ACBD4: variants seen among roughly 807,000 people sequenced by gnomAD.
The protein encoded by ACBD4 is acyl-CoA binding domain containing 4.
In ACBD4, 41 loss-of-function variants were observed where a neutral mutation model predicts 46.0. That is an observed-to-expected ratio of 0.89 (90% CI 0.69 to 1.16). The LOEUF (loss-of-function observed/expected upper bound fraction) is 1.16. ACBD4 is among the 50% of genes most tolerant of loss of function. The pLI is 0.00. For synonymous variants in ACBD4, 162 were observed against 155.9 expected (o/e 1.04, Z -0.29); for missense variants, 393 against 399.5 (o/e 0.98, Z 0.14).
chr17:45,135,300 A>T (rs1460302611), upstream of ACBD4: 1 of 152,098 alleles, frequency 6.6e-6, no homozygotes, highest in African/African-American at 2.4e-5. Flanking sequence ...TCCTTCCTCT[A>T]GAACACCTGA....
At position 45,143,918 on chromosome 17, in the gene ACBD4, T is replaced by C. The variant is rs1053578; in HGVS notation, c.*347T>C. ...ACCCGAATTTTCCCACCCCTGCTTC[T>C]CCCCGAGGAGGTTGAGCTCTTGAGC... On this transcript the variant is annotated 3_prime_UTR_variant, in exon 10 of 10. Coordinates refer to ENST00000321854, the MANE Select transcript of ACBD4 (RefSeq NM_001135705.3). The C allele has an allele frequency of 0.053, 16,123 of 301,424 alleles. 547 individuals carry two copies. Among genetic ancestry groups the C allele is most frequent in the Middle Eastern group, 0.097 (105 of 1,080 alleles). 18.7% of individuals were successfully genotyped at this position (301,424 alleles called of 1,614,324 possible).
chr17:45,141,092 T>G (rs984841501), intron 9 of ACBD4, among the ~76,000 whole-genome samples: 1 of 152,240 alleles, frequency 6.6e-6, no homozygotes, highest in African/African-American at 2.4e-5. Flanking sequence ...TTACACACAA[T>G]TATTAATTTC....
rs769277997 is a variant in ACBD4, at chr17:45,135,973, C to T, written c.-38+20C>T. The T allele has an allele frequency of 4.7e-6, 3 of 641,444 alleles. No individual in the cohort carries two copies. Among genetic ancestry groups the T allele is most frequent in the Non-Finnish European group, 7.9e-6 (3 of 378,226 alleles). 39.7% of individuals were successfully genotyped at this position (641,444 alleles called of 1,614,324 possible). Reference sequence around the variant, plus strand: ...CTTGAGGTAGGAAAAGGAGGCTCCTCAACCACAACTTCTGACCTCCCAGGG... The same window carrying T: ...CTTGAGGTAGGAAAAGGAGGCTCCTTAACCACAACTTCTGACCTCCCAGGG... On this transcript the variant is annotated intron_variant, in intron 1 of 9. Coordinates refer to ENST00000321854, the MANE Select transcript of ACBD4 (RefSeq NM_001135705.3).
At chr17:45,133,436 C>T (rs1292580278), upstream of ACBD4, 1 of 151,996 alleles carries the variant, frequency 6.6e-6, no homozygotes, top group Non-Finnish European at 1.5e-5. Context: ...ACTTGCCCTG[C>T]TCTACCCCAT....
At chr17:45,133,554 C>T (rs1318184311), upstream of ACBD4, among the ~76,000 whole-genome samples, 2 of 93,248 alleles carry the variant, frequency 2.1e-5, no homozygotes, top group South Asian at 3.8e-4. Flanking sequence ...TTTTTTGAGA[C>T]GGAGTCTCGC....
intron 9 of ACBD4, among the ~76,000 whole-genome samples, chr17:45,141,475 C>T (rs1273593062): frequency 6.6e-6 from 1 of 152,116 alleles, no homozygotes; most frequent in African/African-American, 2.4e-5. Flanking sequence ...ATCGCTTGAG[C>T]CCAGGAGCTT....
chr17:45,132,672 G>C (rs1428101206), upstream of ACBD4: 2 of 234,654 alleles, frequency 8.5e-6, no homozygotes. This position sits in a 1 kb window ranked among gnomAD's most constrained non-coding sequence, Gnocchi z 4.6. Context: ...TCGTGAGTCC[G>C]TCTCCCCTTA....
chr17:45,137,500 G>C, intron 6 of ACBD4, 46 bp downstream of exon 6: 2 of 1,597,070 alleles, frequency 1.3e-6, no homozygotes, highest in Non-Finnish European at 1.7e-6. Flanking sequence ...GGCTGGGGGA[G>C]GGCTGGAGGG....
rs558907132 is a variant in ACBD4 at position 45,137,658 on chromosome 17, G to A, written c.503-102G>A. 262 of 1,419,774 alleles carry A rather than the reference G, an allele frequency of 1.8e-4. 1 individual carries two copies. In the Admixed American group the frequency reaches 4.3e-3, roughly 23 times the overall value. The allele number at this position is 1,419,774 out of a possible 1,614,324, so 87.9% of individuals were successfully genotyped here. ...CAGGTGTTGATATCTCTAGTGCCTCGTATCTCTAGTGTCTCCTAAACAGGT... is the reference window on the plus strand; with the variant it reads ...CAGGTGTTGATATCTCTAGTGCCTCATATCTCTAGTGTCTCCTAAACAGGT... On this transcript the variant is annotated intron_variant, in intron 6 of 9. Coordinates refer to ENST00000321854, the MANE Select transcript of ACBD4 (RefSeq NM_001135705.3).
At chr17:45,131,667 A>G (rs975585244), upstream of ACBD4, among the ~76,000 whole-genome samples, 7 of 152,200 alleles carry the variant, frequency 4.6e-5, no homozygotes, top group South Asian at 2.1e-4. Context: ...TGATGTTCCA[A>G]TGAGCCACAG....
chr17:45,137,709 T>C (rs759414329), intron 6 of ACBD4, 51 bp from the exon 7 acceptor site: 3 of 1,599,006 alleles, frequency 1.9e-6, no homozygotes, highest in Non-Finnish European at 2.6e-6. Flanking sequence ...ACACTCCTGC[T>C]CTCCCTCCAC....
At position 45,137,133 on chromosome 17, in the gene ACBD4, G is replaced by A. The variant is rs2054902025; in HGVS notation, c.409G>A (p.Val137Ile). 2 of 1,614,070 alleles carry A rather than the reference G, an allele frequency of 1.2e-6. No homozygotes were observed. Among genetic ancestry groups the A allele is most frequent in the Non-Finnish European group, 1.7e-6 (2 of 1,180,004 alleles). Residue 137 changes from valine (V) to isoleucine (I), a missense_variant, in exon 5 of 10, where the codon GTC (valine) becomes ATC (isoleucine). Coordinates refer to ENST00000321854, the MANE Select transcript of ACBD4 (RefSeq NM_001135705.3). ...PRPPETFLRR[V>I]TGWKEQVVNG... ...GCCCCCAGAGACCTTCCTGAGAAGG[G>A]TCACAGGTCAGACTCCCAGGCTGGG...
Position 45,143,662 on chromosome 17 carries a change from C to G in ACBD4, c.*91C>G. 1 of 1,605,028 alleles carries G rather than the reference C, an allele frequency of 6.2e-7. No individual in the cohort carries two copies. The highest frequency in any genetic ancestry group is 8.5e-7 in the Non-Finnish European group (1 of 1,174,050). On this transcript the variant is annotated 3_prime_UTR_variant, in exon 10 of 10. Coordinates refer to ENST00000321854, the MANE Select transcript of ACBD4 (RefSeq NM_001135705.3). ...TTTAGAAGAACAGCATTCAAAATTC[C>G]CCGTCCTGTCAGTGTTTGCCTTCGC...
rs796925582 is a variant in ACBD4 at position 45,136,438 on chromosome 17, GC to G, written c.89-58del. The G allele has an allele frequency of 4.3e-5, 67 of 1,559,416 alleles. No individual in the cohort carries two copies. In the African/African-American group the frequency reaches 6.9e-4, roughly 16 times the overall value. On this transcript the variant is annotated intron_variant, in intron 2 of 9. Transcript: ENST00000321854. ...TGCCCTTTCCAAGCAGGGTTCTCCC[GC>G]CCCTCCGCCCCTTGGAGCTGGGAGT...
Position 45,136,928 on chromosome 17 carries a change from C to A in ACBD4, c.295-91C>A, listed in dbSNP as rs976281630. 1.9e-6 allele frequency: 3 copies of A among 1,600,090 alleles called. No individual in the cohort carries two copies. In the African/African-American group the frequency reaches 4.0e-5, roughly 21 times the overall value. ...AACCCTGCCTATCTTTGGCCCCTGA[C>A]TGGGCACAGGGTGGAGGTGTGTGAC... On this transcript the variant is annotated intron_variant, in intron 4 of 9. Coordinates refer to ENST00000321854, the MANE Select transcript of ACBD4 (RefSeq NM_001135705.3).
At chr17:45,142,616 C>T (rs1315862388) in intron 9 of ACBD4, 14 of 203,144 alleles carry the variant, frequency 6.9e-5, no homozygotes, top group African/African-American at 3.1e-4. Context: ...AGTGAAGTGG[C>T]GTGAACTCAG....
chr17:45,132,147 C>G, upstream of ACBD4: 1 of 1,157,716 alleles, frequency 8.6e-7, no homozygotes, highest in East Asian at 3.2e-5. The surrounding 1 kb of genome is among the most constrained non-coding windows in gnomAD (Gnocchi z 4.6). Context: ...CTCCCAGCCC[C>G]GTGCAGCCTG....
chr17:45,132,293 C>A, upstream of ACBD4: 3 of 1,267,320 alleles, frequency 2.4e-6, no homozygotes, highest in Non-Finnish European at 3.0e-6. This position sits in a 1 kb window ranked among gnomAD's most constrained non-coding sequence, Gnocchi z 4.6. Context: ...GTGCCGCCAT[C>A]GGAGGGAGTC....
In ACBD4 at chr17:45,136,540, C is replaced by T; in HGVS notation, c.129C>T (p.Tyr43=). Residue 43 remains tyrosine (Y), a synonymous_variant, in exon 3 of 10, where the codon TAC becomes TAT. Coordinates refer to ENST00000321854, the MANE Select transcript of ACBD4 (RefSeq NM_001135705.3). ...RPSYEEMLRF[Y]SYYKQATMGP... ...CCTATGAAGAGATGCTGCGATTCTA[C>T]AGTTACTACAAGCAGGCCACCATGG... The T allele has an allele frequency of 6.2e-7, 1 of 1,613,884 alleles. No homozygotes were observed. The highest frequency in any genetic ancestry group is 8.5e-7 in the Non-Finnish European group (1 of 1,179,964).
Sources: allele counts gnomAD v4.1 joint callset (sites outside exome capture counted in the v4.1 genomes callset), GRCh38; gene constraint gnomAD v4.1.1; non-coding constraint Gnocchi (gnomAD v3.1); transcripts MANE v1.5; gene names NCBI Gene and HGNC (gene_info 2026-07-23, HGNC 2026-07-21).